CSMD1: variants seen among roughly 807,000 people sequenced by gnomAD.
CSMD1 encodes the protein CUB and Sushi multiple domains 1, also known as CUB and sushi domain-containing protein 1.
CSMD1 carries 213 observed loss-of-function variants against 417.5 expected under a neutral mutation model. That is an observed-to-expected ratio of 0.51 (90% confidence interval 0.46 to 0.57). The LOEUF is 0.57. Among genes scored for constraint, CSMD1 ranks in the 20% least tolerant of loss-of-function variants. The probability of loss-of-function intolerance (pLI) is 0.00; values close to 1 mark genes in which losing one functional copy is unlikely to be tolerated. For synonymous variants in CSMD1, 2,862 were observed against 1,736.8 expected (o/e 1.65, Z -16.11); for missense variants, 6,923 against 4,529.7 (o/e 1.53, Z -15.17).
At chr8:4,548,155 G>C (rs774986632) in intron 2 of CSMD1, among the ~76,000 whole-genome samples, 2 of 151,982 alleles carry the variant, frequency 1.3e-5, no homozygotes, top group East Asian at 1.9e-4. Context: ...CGAATGTCTA[G>C]GATTGGAGAC....
At chr8:4,921,962 C>T (rs1241455960) in intron 1 of CSMD1, among the ~76,000 whole-genome samples, 1 of 152,176 alleles carries the variant, frequency 6.6e-6, no homozygotes, top group East Asian at 1.9e-4. Context: ...TACTTGCCCT[C>T]TTCACTCAGC....
At chr8:4,454,798 A>G (rs1037970448) in intron 2 of CSMD1, among the ~76,000 whole-genome samples, 2 of 152,238 alleles carry the variant, frequency 1.3e-5, no homozygotes, top group African/African-American at 4.8e-5. Context: ...AGCTACAACT[A>G]GAAGTGAAAA....
intron 5 of CSMD1, among the ~76,000 whole-genome samples, chr8:3,913,822 C>A (rs1808620702): frequency 6.6e-6 from 1 of 152,042 alleles, no homozygotes; most frequent in Non-Finnish European, 1.5e-5. Flanking sequence ...GTATTAGAAC[C>A]AACTCAGACG....
chr8:3,349,574 G>C (rs1418069101), intron 21 of CSMD1, among the ~76,000 whole-genome samples: 1 of 151,688 alleles, frequency 6.6e-6, no homozygotes, highest in African/African-American at 2.4e-5. Flanking sequence ...CAGGCAATTG[G>C]TGACTCAAAG....
At chr8:3,958,853 G>T (rs1340999042) in intron 5 of CSMD1, among the ~76,000 whole-genome samples, 2 of 152,200 alleles carry the variant, frequency 1.3e-5, no homozygotes, top group South Asian at 2.1e-4. Flanking sequence ...TAGGTGAAGT[G>T]TAAGTAGATG....
rs766127215 is a variant in CSMD1, at chr8:4,024,211, G to T, written c.610+7694C>A. Among the ~76,000 whole-genome samples, 5 of 152,086 alleles carry T rather than the reference G, an allele frequency of 3.3e-5. No homozygotes were observed. In the South Asian group the frequency reaches 1.0e-3, roughly 31 times the overall value. ...TATAACAGATAGTAAGAAGACATGG[G>T]AAACAGAAGTGATGTAACATATTAA... is the stretch of plus-strand genomic sequence containing the variant. On this transcript the variant is annotated intron_variant, in intron 4 of 69. Transcript: ENST00000635120.
intron 1 of CSMD1, among the ~76,000 whole-genome samples, chr8:4,801,018 A>G (rs917936028): frequency 6.6e-6 from 1 of 152,340 alleles, no homozygotes; most frequent in South Asian, 2.1e-4. Context: ...GATGTCTTCA[A>G]TATCTTGGAT....
intron 6 of CSMD1, among the ~76,000 whole-genome samples, chr8:3,708,907 G>C (rs1318649951): frequency 6.6e-6 from 1 of 152,146 alleles, no homozygotes; most frequent in Non-Finnish European, 1.5e-5. Flanking sequence ...AAAAAGGCCA[G>C]TTGCTCATTC....
chr8:4,242,701 G>T (rs938531046), intron 3 of CSMD1, among the ~76,000 whole-genome samples: 2 of 132,042 alleles, frequency 1.5e-5, no homozygotes, highest in Non-Finnish European at 3.5e-5. Flanking sequence ...ACTCTGCTGT[G>T]AGTGGAGCCC....
intron 3 of CSMD1, among the ~76,000 whole-genome samples, chr8:4,331,037 C>A (rs1287318907): frequency 1.3e-5 from 2 of 152,186 alleles, no homozygotes; most frequent in Non-Finnish European, 2.9e-5. Context: ...ACACATACTG[C>A]AGATTCAATA....
chr8:3,305,500 C>G (rs1461827764), intron 25 of CSMD1, among the ~76,000 whole-genome samples: 18 of 152,046 alleles, frequency 1.2e-4, no homozygotes, highest in Non-Finnish European at 2.9e-5. Context: ...AGTGGGTTAG[C>G]TATAGTGGGA....
At chr8:3,486,394 C>CA (rs1294703551) in intron 11 of CSMD1, among the ~76,000 whole-genome samples, 2 of 152,090 alleles carry the variant, frequency 1.3e-5, no homozygotes, top group Admixed American at 6.5e-5. Context: ...CTTATCTCCC[C>CA]AAAATAGTAG....
chr8:4,611,613 C>T (rs1435898357), intron 2 of CSMD1, among the ~76,000 whole-genome samples: 1 of 152,208 alleles, frequency 6.6e-6, no homozygotes, highest in Non-Finnish European at 1.5e-5. Context: ...CTCTCTTTCT[C>T]TTTAACCTCC....
chr8:3,695,910 T>C (rs1800528330), intron 7 of CSMD1, among the ~76,000 whole-genome samples: 1 of 152,212 alleles, frequency 6.6e-6, no homozygotes, highest in Non-Finnish European at 1.5e-5. Context: ...ATCTTTCTAA[T>C]TATTTTCTAT....
At chr8:3,856,895 C>G (rs572721770) in intron 5 of CSMD1, among the ~76,000 whole-genome samples, 5 of 152,260 alleles carry the variant, frequency 3.3e-5, no homozygotes, top group Middle Eastern at 3.4e-3. Context: ...ACACTTGTAA[C>G]TACTCAGACT....
At chr8:4,560,455 A>G (rs1798280727) in intron 2 of CSMD1, among the ~76,000 whole-genome samples, 1 of 152,222 alleles carries the variant, frequency 6.6e-6, no homozygotes, top group Non-Finnish European at 1.5e-5. Context: ...TCTGCAATCT[A>G]TAACCAAATG....
Position 3,926,089 on chromosome 8 carries a change from A to ACACACACACAAACAC in CSMD1, c.818+71813_818+71814insGTGTTTGTGTGTGTG, listed in dbSNP as rs1248748752. On this transcript the variant is annotated intron_variant, in intron 5 of 69. Coordinates refer to ENST00000635120, the MANE Select transcript of CSMD1 (RefSeq NM_033225.6). Reference sequence around the variant, plus strand: ...ACACACACACAAACACCATACACACACACACACACACACACACACACACAC... The same window carrying ACACACACACAAACAC: ...ACACACACACAAACACCATACACACACACACACACAAACACCACACACACACACACACACACACAC... Among the ~76,000 whole-genome samples, 3 of 31,964 alleles carry ACACACACACAAACAC rather than the reference A, an allele frequency of 9.4e-5. No homozygotes were observed. In the African/African-American group the frequency reaches 1.2e-3, roughly 13 times the overall value. 21.0% of individuals were successfully genotyped at this position (31,964 alleles called of 152,430 possible).
intron 5 of CSMD1, among the ~76,000 whole-genome samples, chr8:3,839,192 A>T (rs1563132844): frequency 5.5e-5 from 7 of 126,728 alleles, no homozygotes; most frequent in Non-Finnish European, 7.8e-5. Flanking sequence ...TATAATAAAT[A>T]AATTAATATG....
At chr8:3,137,383 G>C (rs1403195663) in intron 41 of CSMD1, among the ~76,000 whole-genome samples, 2 of 152,220 alleles carry the variant, frequency 1.3e-5, no homozygotes, top group Non-Finnish European at 2.9e-5. Context: ...AAGTCCCTTA[G>C]CATCAGGGGG....
Sources: gnomAD v4.1 joint callset for allele counts (sites outside exome capture counted in the v4.1 genomes callset) on GRCh38, gnomAD v4.1.1 for gene constraint, MANE v1.5 for transcripts, NCBI Gene and HGNC (gene_info 2026-07-23, HGNC 2026-07-21) for gene names.